SETD2: variants seen among roughly 807,000 people sequenced by gnomAD.
The protein encoded by SETD2 is histone-lysine N-methyltransferase SETD2.
A neutral mutation model predicts 242.1 loss-of-function variants in SETD2; 31 were observed. The ratio of observed to expected loss-of-function variants is 0.13; its 90% confidence interval spans 0.10 to 0.17. The LOEUF (loss-of-function observed/expected upper bound fraction) is 0.17, where lower values mean the gene tolerates loss of function less well. SETD2 is among the 10% of genes least tolerant of loss of function. The probability of loss-of-function intolerance (pLI) is 1.00; values close to 1 mark genes in which losing one functional copy is unlikely to be tolerated. For missense variants in SETD2, 2,481 were observed against 3,046.3 expected (o/e 0.81, Z 4.37); for synonymous variants, 1,006 against 1,066.5 (o/e 0.94, Z 1.11).
Position 47,078,201 on chromosome 3 carries a change from C to T in SETD2, c.6060+5519G>A, listed in dbSNP as rs559592045. Among the ~76,000 whole-genome samples the T allele has an allele frequency of 5.3e-5, 8 of 152,158 alleles. 1 individual carries two copies. The South Asian group carries it at 1.5e-3, about 28-fold the overall frequency. On this transcript the variant is annotated intron_variant, in intron 12 of 20. Transcript: ENST00000409792. ...GCTTTTTAATTATAAAGGGAAAAAT[C>T]GTAACTTTACACTGGAAAAGTCTGG...
At chr3:47,070,762 C>A (rs973794854) in intron 12 of SETD2, among the ~76,000 whole-genome samples, 9 of 152,130 alleles carry the variant, frequency 5.9e-5, no homozygotes, top group Non-Finnish European at 1.2e-4. Flanking sequence ...CAGAAGATTT[C>A]AAAATGATAA....
At chr3:47,138,830 T>C (rs1247707029) in intron 1 of SETD2, among the ~76,000 whole-genome samples, 2 of 152,222 alleles carry the variant, frequency 1.3e-5, no homozygotes, top group African/African-American at 4.8e-5. Context: ...CCTCCCAAAG[T>C]GCTGGGATTA....
At chr3:47,152,295 T>C (rs1040202622) in intron 1 of SETD2, among the ~76,000 whole-genome samples, 1 of 152,194 alleles carries the variant, frequency 6.6e-6, no homozygotes, top group Non-Finnish European at 1.5e-5. Flanking sequence ...ACCAGTACCA[T>C]AAAATGTGTA....
intron 1 of SETD2, among the ~76,000 whole-genome samples, chr3:47,131,100 G>T (rs1217577251): frequency 6.6e-6 from 1 of 152,198 alleles, no homozygotes; most frequent in East Asian, 1.9e-4. Context: ...ATATAAACAA[G>T]TTGGATAGTA....
chr3:47,113,817 T>G (rs2042749979), intron 5 of SETD2, 59 bp downstream of exon 5: 1 of 1,546,646 alleles, frequency 6.5e-7, no homozygotes, highest in South Asian at 1.2e-5. Flanking sequence ...CCAGTCTGGG[T>G]GAAAGAGTGA....
intron 7 of SETD2, 58 bp from the exon 8 acceptor site, chr3:47,101,613 T>C: frequency 2.5e-6 from 2 of 813,636 alleles, no homozygotes; most frequent in Admixed American, 2.0e-5. Context: ...TGTGTGTGTG[T>C]GTGTGTGTGT....
At chr3:47,162,279 A>G (rs1165193865) in intron 1 of SETD2, among the ~76,000 whole-genome samples, 1 of 152,070 alleles carries the variant, frequency 6.6e-6, no homozygotes, top group Admixed American at 6.5e-5. Flanking sequence ...GAATCGTGAT[A>G]TAAAATTTTT....
intron 9 of SETD2, among the ~76,000 whole-genome samples, chr3:47,094,403 G>C (rs1412307677): frequency 6.6e-6 from 1 of 152,192 alleles, no homozygotes; most frequent in East Asian, 1.9e-4. Context: ...GTAACATGAG[G>C]GATGTGGATT....
chr3:47,062,421 T>C (rs1575709548), intron 13 of SETD2, 75 bp from the exon 14 acceptor site: 12 of 1,284,758 alleles, frequency 9.3e-6, no homozygotes, highest in Non-Finnish European at 1.2e-5. Context: ...ATCATGACAA[T>C]GTATCAACTG....
chr3:47,109,937 G>A (rs2042586180), intron 5 of SETD2, among the ~76,000 whole-genome samples: 1 of 147,674 alleles, frequency 6.8e-6, no homozygotes, highest in South Asian at 2.1e-4. Context: ...AGTGAGCCGT[G>A]ATCGTGCCAC....
intron 1 of SETD2, among the ~76,000 whole-genome samples, chr3:47,132,795 T>C (rs1275760523): frequency 6.6e-6 from 1 of 152,244 alleles, no homozygotes; most frequent in African/African-American, 2.4e-5. Flanking sequence ...GAGTGTAGTA[T>C]AGGCCTCATT....
chr3:47,051,018 C>T (rs2039818974), intron 15 of SETD2, among the ~76,000 whole-genome samples: 1 of 152,002 alleles, frequency 6.6e-6, no homozygotes, highest in Non-Finnish European at 1.5e-5. Flanking sequence ...TAGATGTGAG[C>T]CACCGCACCT....
chr3:47,087,906 C>T (rs2041632070), intron 10 of SETD2, among the ~76,000 whole-genome samples: 1 of 152,052 alleles, frequency 6.6e-6, no homozygotes, highest in African/African-American at 2.4e-5. Context: ...ACAGAAGTTA[C>T]AGTGAACCGA....
intron 13 of SETD2, among the ~76,000 whole-genome samples, chr3:47,065,708 C>T (rs955809667): frequency 2.0e-5 from 3 of 152,116 alleles, no homozygotes; most frequent in Non-Finnish European, 4.4e-5. Context: ...GAGGCTGAGG[C>T]AAGAGGATTG....
At chr3:47,061,691 GATAA>G (rs1175583044) in intron 14 of SETD2, among the ~76,000 whole-genome samples, 1 of 152,128 alleles carries the variant, frequency 6.6e-6, no homozygotes, top group Non-Finnish European at 1.5e-5. Context: ...ACTTGTCTGG[GATAA>G]ATGTTTTCTA....
At chr3:47,027,896 A>G (rs1026492337) in intron 18 of SETD2, among the ~76,000 whole-genome samples, 1 of 150,966 alleles carries the variant, frequency 6.6e-6, no homozygotes, top group African/African-American at 2.4e-5. Context: ...GGTTCACGCC[A>G]TTCTCCTGCC....
intron 7 of SETD2, 36 bp from the exon 8 acceptor site, chr3:47,101,591 CTTA>C (rs767056568): frequency 2.4e-5 from 27 of 1,114,378 alleles, no homozygotes; most frequent in African/African-American, 5.0e-5. Context: ...AAATTAGTAA[CTTA>C]TTAGTGTGTG....
Position 47,163,970 on chromosome 3 carries a change from G to T in SETD2, c.-46C>A. 1 of 1,263,342 alleles carries T rather than the reference G, an allele frequency of 7.9e-7. No individual in the cohort carries two copies. Among genetic ancestry groups the T allele is most frequent in the Non-Finnish European group, 1.0e-6 (1 of 997,218 alleles). 78.3% of individuals were successfully genotyped at this position (1,263,342 alleles called of 1,614,324 possible). A position where few individuals can be genotyped will look rare whatever the true frequency, so the allele number is the denominator to read the frequency against. On this transcript the variant is annotated 5_prime_UTR_variant, in exon 1 of 21. Coordinates refer to ENST00000409792, the MANE Select transcript of SETD2 (RefSeq NM_014159.7). ...GACGCGAGCCCCCTCCCCGCAGCAG[G>T]GCGACGCGGGGGAGGGGAGGGGAGG... is the stretch of plus-strand genomic sequence containing the variant.
intron 18 of SETD2, among the ~76,000 whole-genome samples, chr3:47,037,313 G>A (rs1472580271): frequency 8.3e-6 from 1 of 121,058 alleles, no homozygotes; most frequent in Non-Finnish European, 1.6e-5. Flanking sequence ...CCCAGAGTGT[G>A]ATGTTCCCCT....
Sources: allele counts gnomAD v4.1 joint callset (sites outside exome capture counted in the v4.1 genomes callset), GRCh38; gene constraint gnomAD v4.1.1; transcripts MANE v1.5; gene names NCBI Gene and HGNC (gene_info 2026-07-23, HGNC 2026-07-21).